Variants in RBMS3 observed in about 807,000 individuals in gnomAD.
RBMS3 encodes RNA binding motif single stranded interacting protein 3.
A neutral mutation model predicts 66.8 loss-of-function variants in RBMS3; 27 were observed. That is an observed-to-expected ratio of 0.40 (90% CI 0.30 to 0.56). The LOEUF is 0.56. RBMS3 is among the 20% of genes least tolerant of loss of function. RBMS3 has a pLI of 0.40. For synonymous variants in RBMS3, 188 were observed against 183.0 expected (o/e 1.03, Z -0.22); for missense variants, 513 against 549.5 (o/e 0.93, Z 0.66).
At chr3:29,690,355 AAGG>A (rs1226899117) in intron 4 of RBMS3, among the ~76,000 whole-genome samples, 2 of 151,598 alleles carry the variant, frequency 1.3e-5, no homozygotes, top group East Asian at 3.9e-4. Flanking sequence ...GAAGTTGAAG[AAGG>A]AGGATTGCTT....
At chr3:29,491,163 A>G (rs2043528355) in intron 3 of RBMS3, among the ~76,000 whole-genome samples, 1 of 152,226 alleles carries the variant, frequency 6.6e-6, no homozygotes, top group South Asian at 2.1e-4. Flanking sequence ...GGGTCTCCAT[A>G]AGCAAATTAT....
rs566157491 is a variant in RBMS3, at chr3:29,486,887, T to C, written c.249-1554T>C. Among the ~76,000 whole-genome samples, 3 of 152,326 alleles carry C rather than the reference T, an allele frequency of 2.0e-5. No individual in the cohort carries two copies. The East Asian group carries it at 5.8e-4, about 29-fold the overall frequency. ...AGGATTTTTGTCTTAAGGGTTTATG[T>C]GCCTGGTGTAAGATAGTTATACCTG... is the stretch of plus-strand genomic sequence containing the variant. On this transcript the variant is annotated intron_variant, in intron 2 of 14. Coordinates refer to ENST00000383767, the MANE Select transcript of RBMS3 (RefSeq NM_001003793.3).
chr3:29,962,080 A>G (rs866913984), intron 12 of RBMS3, among the ~76,000 whole-genome samples: 1 of 145,316 alleles, frequency 6.9e-6, no homozygotes, highest in East Asian at 2.1e-4. Flanking sequence ...TATATATTGT[A>G]TATATAATAA....
chr3:29,284,280 G>A lies in RBMS3; in HGVS notation c.75+2524G>A, dbSNP rs1055650819. ...CTACGGTAGGTAAAAATCGTATTCT[G>A]GTGATAACATATCTTAAATTTTTCT... On this transcript the variant is annotated intron_variant, in intron 1 of 14. Transcript: ENST00000383767. Among the ~76,000 whole-genome samples, 5 of 152,088 alleles carry A rather than the reference G, an allele frequency of 3.3e-5. 1 individual carries two copies. The highest frequency in any genetic ancestry group is 1.9e-4 in the East Asian group (1 of 5,166).
At chr3:29,638,021 G>C (rs188543470) in intron 4 of RBMS3, among the ~76,000 whole-genome samples, 1 of 151,912 alleles carries the variant, frequency 6.6e-6, no homozygotes, top group Non-Finnish European at 1.5e-5. Context: ...GTTTGTAAAA[G>C]GATACTATTT....
chr3:29,285,441 G>A (rs2032241256), intron 1 of RBMS3, among the ~76,000 whole-genome samples: 1 of 151,972 alleles, frequency 6.6e-6, no homozygotes, highest in African/African-American at 2.4e-5. Flanking sequence ...AGTTACCTAA[G>A]CACACACAGC....
intron 6 of RBMS3, 110 bp from the exon 7 acceptor site, chr3:29,868,748 C>T: frequency 1.0e-6 from 1 of 955,500 alleles, no homozygotes; most frequent in Non-Finnish European, 1.6e-6. Context: ...TCTTCAGAAG[C>T]AAGATGTTAC....
intron 12 of RBMS3, among the ~76,000 whole-genome samples, chr3:29,964,885 C>T (rs559815584): frequency 6.6e-6 from 1 of 152,074 alleles, no homozygotes; most frequent in Non-Finnish European, 1.5e-5. Flanking sequence ...CACTCTTCCC[C>T]CTTTGTCCCC....
chr3:29,885,193 C>T lies in RBMS3; in HGVS notation c.791+985C>T, dbSNP rs114546312. On this transcript the variant is annotated intron_variant, in intron 8 of 14. Transcript: ENST00000383767. ...TAAAAAAACAATGTATGATATGAGA[C>T]CCTTTCCTTCAAGAGGCTCACAATC... Among the ~76,000 whole-genome samples the T allele has an allele frequency of 5.5e-3, 832 of 151,926 alleles. 4 individuals carry two copies. Among genetic ancestry groups the T allele is most frequent in the African/African-American group, 0.019 (793 of 41,486 alleles).
chr3:29,660,773 C>T (rs917184637), intron 4 of RBMS3, among the ~76,000 whole-genome samples: 34 of 152,198 alleles, frequency 2.2e-4, no homozygotes, highest in African/African-American at 7.7e-4. Flanking sequence ...ATTCCCTATA[C>T]ATGCAGTTTC....
chr3:29,785,472 G>C, intron 6 of RBMS3, among the ~76,000 whole-genome samples: 1 of 151,996 alleles, frequency 6.6e-6, no homozygotes, highest in Non-Finnish European at 1.5e-5. Context: ...GAGCCCACTA[G>C]CCAAAGCAAG....
chr3:29,571,404 G>T (rs2046949334), intron 3 of RBMS3, among the ~76,000 whole-genome samples: 1 of 151,960 alleles, frequency 6.6e-6, no homozygotes, highest in South Asian at 2.1e-4. Context: ...TTCATAGTTT[G>T]AGGTCTTAGA....
rs1176322474 is a variant in RBMS3 at position 29,729,905 on chromosome 3, C to G, written c.400-9815C>G. Among the ~76,000 whole-genome samples, 4 of 152,026 alleles carry G rather than the reference C, an allele frequency of 2.6e-5. No individual in the cohort carries two copies. The East Asian group carries it at 7.7e-4, about 29-fold the overall frequency. On this transcript the variant is annotated intron_variant, in intron 4 of 14. Transcript: ENST00000383767. ...AAGAATTATAACCTCAGCTTTCTCA[C>G]ATGTAAAATGGGGCTATCTACCTCA...
chr3:29,864,821 A>AG (rs2059306572), intron 6 of RBMS3, among the ~76,000 whole-genome samples: 1 of 140,420 alleles, frequency 7.1e-6, no homozygotes, highest in African/African-American at 2.7e-5. Flanking sequence ...AAAGGAAGGA[A>AG]GGAAGGGAAG....
At chr3:29,499,164 GA>G (rs913313540) in intron 3 of RBMS3, among the ~76,000 whole-genome samples, 6 of 151,916 alleles carry the variant, frequency 3.9e-5, no homozygotes, top group Non-Finnish European at 7.4e-5. Context: ...AAGTTTAAAG[GA>G]AAAAAATGCC....
chr3:29,743,676 C>G (rs2149354704), intron 5 of RBMS3, among the ~76,000 whole-genome samples: 1 of 151,418 alleles, frequency 6.6e-6, no homozygotes, highest in East Asian at 1.9e-4. Context: ...GCTGGGCCCA[C>G]TCTTAAAGTT....
chr3:29,696,949 A>C (rs752644564), intron 4 of RBMS3: 2 of 973,204 alleles, frequency 2.1e-6, no homozygotes, highest in Non-Finnish European at 2.4e-6. Context: ...GTTTTTTTTA[A>C]TTTTTAATTT....
chr3:29,314,644 G>A (rs1017311708), intron 1 of RBMS3, among the ~76,000 whole-genome samples: 1 of 151,616 alleles, frequency 6.6e-6, no homozygotes, highest in Non-Finnish European at 1.5e-5. Context: ...GTGCACAGGG[G>A]TGGAGGGAAC....
At chr3:29,884,313 C>T in intron 8 of RBMS3, 105 bp downstream of exon 8, 3 of 1,072,752 alleles carry the variant, frequency 2.8e-6, no homozygotes, top group Non-Finnish European at 4.1e-6. Flanking sequence ...GTTTTACATC[C>T]TTAAACACAA....
Sources: allele counts gnomAD v4.1 joint callset (sites outside exome capture counted in the v4.1 genomes callset), GRCh38; gene constraint gnomAD v4.1.1; transcripts MANE v1.5; gene names NCBI Gene and HGNC (gene_info 2026-07-23, HGNC 2026-07-21).